Variants in MTF2 observed in about 807,000 individuals in gnomAD.
MTF2 encodes metal-response element-binding transcription factor 2.
Under a neutral mutation model 79.5 loss-of-function variants are expected in MTF2, and 11 were observed. The observed-to-expected ratio is 0.14, with a 90% CI of 0.09 to 0.23. The LOEUF (loss-of-function observed/expected upper bound fraction) is 0.23. Among genes scored for constraint, MTF2 ranks in the 10% least tolerant of loss-of-function variants. MTF2 has a pLI of 1.00. For missense variants in MTF2, 486 were observed against 711.2 expected, an observed-to-expected ratio of 0.68 and a Z score of 3.60; for synonymous variants, 208 against 232.8, an observed-to-expected ratio of 0.89 and a Z score of 0.97.
At chr1:93,112,977 C>T (rs190922570) in intron 3 of MTF2, among the ~76,000 whole-genome samples, 192 of 152,262 alleles carry the variant, frequency 1.3e-3, no homozygotes, top group African/African-American at 3.3e-3. Context: ...TGTTCCATTT[C>T]CAGGGAATTG....
intron 1 of MTF2, among the ~76,000 whole-genome samples, chr1:93,087,796 A>G (rs1654909237): frequency 6.6e-6 from 1 of 152,202 alleles, no homozygotes; most frequent in Non-Finnish European, 1.5e-5. Flanking sequence ...GGGGTTTACC[A>G]TAGTAGAGCC....
chr1:93,089,292 A>G (rs1416198140), intron 1 of MTF2, among the ~76,000 whole-genome samples: 6 of 152,174 alleles, frequency 3.9e-5, no homozygotes. Flanking sequence ...TCTGTAATAG[A>G]ATATGTGCTT....
At chr1:93,134,305 T>A in intron 14 of MTF2, 110 bp downstream of exon 14, 1 of 762,344 alleles carries the variant, frequency 1.3e-6, no homozygotes, top group Non-Finnish European at 2.1e-6. Context: ...GTAAGTTGTG[T>A]CTATCAGCTT....
In MTF2 at chr1:93,134,104, A is replaced by G; in HGVS notation, c.1333A>G (p.Thr445Ala). Reference sequence around the variant, plus strand: ...CTTTTGTCTCAGGAGAACTGAGGGAACTGCACATTCATCCAATACCTCAGA... The same window carrying G: ...CTTTTGTCTCAGGAGAACTGAGGGAGCTGCACATTCATCCAATACCTCAGA... The part of the protein sequence containing the change: ...LPCSIGRTEG[T>A]AHSSNTSDVD... The change falls in exon 14 of 15, where the codon ACT becomes GCT. Residue 445 changes from threonine to alanine, a missense_variant. By Grantham distance (58) the Thr-to-Ala change is moderately conservative. Transcript: ENST00000370298. 6.2e-7 allele frequency: 1 copy of G among 1,611,906 alleles called. No homozygotes were observed. The highest frequency in any genetic ancestry group is 8.5e-7 in the Non-Finnish European group (1 of 1,179,046).
intron 1 of MTF2, among the ~76,000 whole-genome samples, chr1:93,106,053 G>T (rs1655767417): frequency 6.6e-6 from 1 of 152,054 alleles, no homozygotes; most frequent in South Asian, 2.1e-4. Context: ...GACTGTGAAT[G>T]GAAGGGAAAA....
intron 1 of MTF2, among the ~76,000 whole-genome samples, chr1:93,101,613 T>G (rs931260825): frequency 5.1e-5 from 6 of 117,622 alleles, no homozygotes; most frequent in African/African-American, 1.8e-4. Flanking sequence ...AGGGTCTCCC[T>G]GTTACCCAGG....
intron 1 of MTF2, among the ~76,000 whole-genome samples, chr1:93,095,380 G>A (rs979409771): frequency 4.0e-5 from 6 of 151,780 alleles, no homozygotes; most frequent in African/African-American, 1.5e-4. Flanking sequence ...AGCTCTTGTC[G>A]CCGAAGCTGG....
intron 1 of MTF2, among the ~76,000 whole-genome samples, chr1:93,086,358 T>C (rs909339312): frequency 1.3e-4 from 19 of 151,942 alleles, no homozygotes; most frequent in African/African-American, 4.4e-4. Context: ...ACAAAAAATT[T>C]AGCCAGGTGT....
At position 93,115,543 on chromosome 1, in the gene MTF2, T is replaced by G; in HGVS notation, c.557T>G (p.Val186Gly). 1 of 1,612,444 alleles carries G rather than the reference T, an allele frequency of 6.2e-7. No individual in the cohort carries two copies. The highest frequency in any genetic ancestry group is 8.5e-7 in the Non-Finnish European group (1 of 1,179,252). ...QVMKQTLPYSVADLEWDAGHK... is the reference protein window; with the variant it reads ...QVMKQTLPYSGADLEWDAGHK... ...ATGAAGCAGACATTACCCTATAGTG[T>G]GGCAGACCTTGAATGGGATGCAGGT... The change falls in exon 6 of 15, where the codon GTG (valine) becomes GGG (glycine). Residue 186 changes from valine (V) to glycine (G), a missense_variant. By Grantham distance (109) the Val-to-Gly change is moderately radical. This residue lies in a region of MTF2 where 177 missense variants were observed against 364.0 expected (regional missense o/e 0.49). Coordinates refer to ENST00000370298, the MANE Select transcript of MTF2 (RefSeq NM_007358.4).
At chr1:93,103,564 A>G (rs1050516960) in intron 1 of MTF2, among the ~76,000 whole-genome samples, 1 of 152,106 alleles carries the variant, frequency 6.6e-6, no homozygotes, top group African/African-American at 2.4e-5. Context: ...ACAAATAAGA[A>G]TCAGGAGATT....
chr1:93,120,820 G>A (rs1557556224), intron 9 of MTF2, 148 bp downstream of exon 9: 8 of 1,386,384 alleles, frequency 5.8e-6, no homozygotes, highest in Non-Finnish European at 7.4e-6. Flanking sequence ...AGTTTGGTAT[G>A]GATATCAGGA....
rs1279725314 is a variant in MTF2, at chr1:93,138,928, C to G, written c.*1901C>G. The G allele has an allele frequency of 6.6e-6, 1 of 152,180 alleles. No individual in the cohort carries two copies. The highest frequency in any genetic ancestry group is 2.4e-5 in the African/African-American group (1 of 41,446). The allele number at this position is 152,180 out of a possible 1,614,324, so 9.4% of individuals were successfully genotyped here. A position where few individuals can be genotyped will look rare whatever the true frequency, so the allele number is the denominator to read the frequency against. On this transcript the variant is annotated 3_prime_UTR_variant, in exon 15 of 15. Transcript: ENST00000370298. ...CATACTTGGAAGATGATTTATCCAG[C>G]TGAACTGTCTTTAGACGTAATTATT... is the stretch of plus-strand genomic sequence containing the variant.
chr1:93,112,139 T>A (rs1656053887), intron 3 of MTF2, among the ~76,000 whole-genome samples: 3 of 152,196 alleles, frequency 2.0e-5, no homozygotes, highest in Admixed American at 6.5e-5. Flanking sequence ...CTTCACTGGT[T>A]CCTTTTGCTG....
chr1:93,134,153 G>A lies in MTF2; in HGVS notation c.1382G>A (p.Ser461Asn). The change falls in exon 14 of 15, where the codon AGT becomes AAT. Residue 461 changes from serine to asparagine, a missense_variant. Physicochemically the swap from Ser to Asn is conservative, Grantham distance 46. This residue lies in a region of MTF2 where 209 missense variants were observed against 206.5 expected (regional missense o/e 1.01). Transcript: ENST00000370298. ...GATGTGGATTTCACGGGTGCTTCCA[G>A]TGCAAAAGAAACTACCTCGTCTAGC... ...TSDVDFTGAS[S>N]AKETTSSSIS... 5.0e-6 allele frequency: 8 copies of A among 1,613,564 alleles called. No individual in the cohort carries two copies. The highest frequency in any genetic ancestry group is 1.3e-5 in the African/African-American group (1 of 75,038).
chr1:93,095,213 A>T (rs1480230699), intron 1 of MTF2, among the ~76,000 whole-genome samples: 10 of 151,920 alleles, frequency 6.6e-5, no homozygotes, highest in South Asian at 4.1e-4. Flanking sequence ...AATTAAAAAA[A>T]TTTTTTTTGT....
chr1:93,096,194 T>C (rs1207771812), intron 1 of MTF2, among the ~76,000 whole-genome samples: 2 of 152,268 alleles, frequency 1.3e-5, no homozygotes, highest in African/African-American at 2.4e-5. Context: ...TGGAACATCA[T>C]GTATTGTTGA....
chr1:93,100,481 A>G (rs569885854), intron 1 of MTF2, among the ~76,000 whole-genome samples: 3 of 152,130 alleles, frequency 2.0e-5, no homozygotes, highest in African/African-American at 7.2e-5. Flanking sequence ...ATTTTTTAGT[A>G]TTTTTAGTAG....
intron 1 of MTF2, among the ~76,000 whole-genome samples, chr1:93,105,495 G>C (rs1035073119): frequency 6.6e-6 from 1 of 152,154 alleles, no homozygotes; most frequent in African/African-American, 2.4e-5. Flanking sequence ...AATCTGTTTT[G>C]CAGTTGTAGT....
chr1:93,110,127 T>C (rs1655969402), intron 1 of MTF2, 103 bp from the exon 2 acceptor site: 7 of 1,147,362 alleles, frequency 6.1e-6, no homozygotes, highest in Non-Finnish European at 8.7e-6. Flanking sequence ...TGTCTTAAGG[T>C]TTTTAACAAA....
Sources: allele counts gnomAD v4.1 joint callset (sites outside exome capture counted in the v4.1 genomes callset), GRCh38; gene constraint gnomAD v4.1.1; regional missense constraint gnomAD v4.1.1; transcripts MANE v1.5; gene names NCBI Gene and HGNC (gene_info 2026-07-23, HGNC 2026-07-21).